Variants in AP5Z1 observed in about 807,000 individuals in gnomAD.
AP5Z1 encodes adaptor related protein complex 5 subunit zeta 1.
A neutral mutation model predicts 83.0 loss-of-function variants in AP5Z1; 106 were observed. That is an observed-to-expected ratio of 1.28 (90% CI 1.09 to 1.50). The LOEUF (loss-of-function observed/expected upper bound fraction) is 1.50, where lower values mean the gene tolerates loss of function less well. Among genes scored for constraint, AP5Z1 ranks in the 40% most tolerant of loss-of-function variants. The pLI is 0.00. For synonymous variants in AP5Z1, 751 were observed against 514.1 expected (o/e 1.46, Z -6.23); for missense variants, 1,565 against 1,094.2 (o/e 1.43, Z -6.07).
chr7:4,786,257 G>C lies in AP5Z1; in HGVS notation c.1140G>C (p.Ala380=). The change falls in exon 10 of 17, where the codon GCG becomes GCC. Residue 380 remains alanine (A), a synonymous_variant. Coordinates refer to ENST00000649063, the MANE Select transcript of AP5Z1 (RefSeq NM_014855.3). ...CGGGCCCTGGTCTTGCAGGGGAAGC[G>C]GCTGCAGTGGACTCGGAAGCCGTCT... ...LAHFFLSHGE[A]AAVDSEAVYQ... 1.9e-6 allele frequency: 3 copies of C among 1,605,006 alleles called. No individual in the cohort carries two copies. The highest frequency in any genetic ancestry group is 1.7e-6 in the Non-Finnish European group (2 of 1,174,336).
At chr7:4,790,049 G>A in intron 14 of AP5Z1, 120 bp downstream of exon 14, 1 of 1,124,670 alleles carries the variant, frequency 8.9e-7, no homozygotes, top group East Asian at 2.7e-5. Context: ...GCCCTCAGCA[G>A]CCTCAGACCC....
chr7:4,784,336 A>C lies in AP5Z1; in HGVS notation c.755A>C (p.His252Pro), dbSNP rs1276640844. 7 of 1,597,478 alleles carry C rather than the reference A, an allele frequency of 4.4e-6. No individual in the cohort carries two copies. The highest frequency in any genetic ancestry group is 6.0e-6 in the Non-Finnish European group (7 of 1,173,594). Residue 252 changes from histidine to proline, a missense_variant, in exon 6 of 17, where the codon CAC becomes CCC. By Grantham distance (77) the His-to-Pro change is moderately conservative. Transcript: ENST00000649063. ...AFSMLRAWLL[H>P]SGPEGPGTLD... ...TCTATGCTGCGGGCGTGGCTGCTGC[A>C]CAGCGGCCCCGAGGGCCCGGGCACC...
chr7:4,787,674 T>TGGC lies in AP5Z1; in HGVS notation c.1354_1356dup (p.Ala452dup). On this transcript the variant is annotated inframe_insertion, in exon 11 of 17. Coordinates refer to ENST00000649063, the MANE Select transcript of AP5Z1 (RefSeq NM_014855.3). ...AGCCCACCCCTCACCTCCGAGTTTG[T>TGGC]GGCGCTCCTCCCGGCCCTGGTGGAC... is the stretch of plus-strand genomic sequence containing the variant. 2 of 1,553,008 alleles carry TGGC rather than the reference T, an allele frequency of 1.3e-6. No homozygotes were observed. Among genetic ancestry groups the TGGC allele is most frequent in the Non-Finnish European group, 1.7e-6 (2 of 1,148,800 alleles).
chr7:4,785,332 G>A (rs1781507505), intron 7 of AP5Z1, 83 bp from the exon 8 acceptor site: 1 of 1,538,234 alleles, frequency 6.5e-7, no homozygotes. Context: ...GTCCTGCCTG[G>A]AGCTTCCAGA....
intron 3 of AP5Z1, 110 bp downstream of exon 3, chr7:4,781,864 G>A (rs1042515654): frequency 2.3e-5 from 29 of 1,256,042 alleles, no homozygotes; most frequent in Non-Finnish European, 2.9e-5. Context: ...TGTTGTAGAC[G>A]CATCTCGGTG....
chr7:4,784,992 G>T lies in AP5Z1; in HGVS notation c.875G>T (p.Arg292Leu). Residue 292 changes from arginine to leucine, a missense_variant, in exon 7 of 17, where the codon CGG (arginine) becomes CTG (leucine). Transcript: ENST00000649063. ...GGCCGCCTGCTGCCGCCCCGGGAGC[G>T]GCTTCGGGAGGTGGCCTTCGAGTAC... ...SAGRLLPPRERLREVAFEYCQ... is the reference protein window; with the variant it reads ...SAGRLLPPRELLREVAFEYCQ... 6.2e-7 allele frequency: 1 copy of T among 1,611,698 alleles called. No individual in the cohort carries two copies. Among genetic ancestry groups the T allele is most frequent in the Non-Finnish European group, 8.5e-7 (1 of 1,179,386 alleles).
At position 4,783,911 on chromosome 7, in the gene AP5Z1, C is replaced by G. The variant is rs904869114; in HGVS notation, c.621+113C>G. The G allele has an allele frequency of 6.0e-6, 7 of 1,168,336 alleles. No individual in the cohort carries two copies. The Admixed American group carries it at 1.2e-4, about 20-fold the overall frequency. 72.4% of individuals were successfully genotyped at this position (1,168,336 alleles called of 1,614,324 possible). ...TGCTGTCGTTCCGCGGGGTCCAGGA[C>G]GAGCCTGCCTCTGCTGCGGGGCTTG... On this transcript the variant is annotated intron_variant, in intron 5 of 16. Transcript: ENST00000649063.
At chr7:4,790,365 C>A in intron 14 of AP5Z1, 94 bp from the exon 15 acceptor site, 1 of 1,585,392 alleles carries the variant, frequency 6.3e-7, no homozygotes, top group Non-Finnish European at 8.6e-7. Context: ...ACCTACCACT[C>A]AGACGCTTCC....
At position 4,791,194 on chromosome 7, in the gene AP5Z1, G is replaced by A. The variant is rs1781759025; in HGVS notation, c.2233G>A (p.Glu745Lys). Reference sequence around the variant, plus strand: ...CTCCACGCACAGCGAGGAGGGCGCGGAAGCCATCCGTACCCGGGCCACAGA... The same window carrying A: ...CTCCACGCACAGCGAGGAGGGCGCGAAAGCCATCCGTACCCGGGCCACAGA... ...TSSTHSEEGA[E>K]AIRTRATELL... Residue 745 changes from glutamate (E) to lysine (K), a missense_variant, in exon 17 of 17, where the codon GAA becomes AAA. By Grantham distance (56) the Glu-to-Lys change is moderately conservative. Transcript: ENST00000649063. 6.2e-7 allele frequency: 1 copy of A among 1,612,524 alleles called. No individual in the cohort carries two copies. The highest frequency in any genetic ancestry group is 1.3e-5 in the African/African-American group (1 of 74,930).
At chr7:4,788,989 C>T in intron 13 of AP5Z1, 38 bp downstream of exon 13, 2 of 1,566,652 alleles carry the variant, frequency 1.3e-6, no homozygotes, top group Non-Finnish European at 1.7e-6. Context: ...TCCCACAGGC[C>T]TCACAACTGA....
chr7:4,777,544 C>T (rs1344834522), intron 1 of AP5Z1, among the ~76,000 whole-genome samples: 1 of 152,088 alleles, frequency 6.6e-6, no homozygotes, highest in East Asian at 1.9e-4. Flanking sequence ...CCCGCCACCA[C>T]ACCCGGCTGA....
chr7:4,777,319 A>G (rs1276339008), intron 1 of AP5Z1, among the ~76,000 whole-genome samples: 1 of 152,076 alleles, frequency 6.6e-6, no homozygotes, highest in African/African-American at 2.4e-5. Flanking sequence ...CAAGGTCATA[A>G]ACTTGTGACA....
In AP5Z1 at chr7:4,784,967, G is replaced by A. The variant is rs764541582; in HGVS notation, c.850G>A (p.Gly284Ser). 1.8e-5 allele frequency: 29 copies of A among 1,612,016 alleles called. No individual in the cohort carries two copies. Among genetic ancestry groups the A allele is most frequent in the Admixed American group, 8.3e-5 (5 of 59,936 alleles). Residue 284 changes from glycine (G) to serine (S), a missense_variant, in exon 7 of 17, where the codon GGC becomes AGC. By Grantham distance (56) the Gly-to-Ser change is moderately conservative. Coordinates refer to ENST00000649063, the MANE Select transcript of AP5Z1 (RefSeq NM_014855.3). ...GGTGATCTCCGCCACCTCCTCTGCC[G>A]GCCGCCTGCTGCCGCCCCGGGAGCG... ...LSVISATSSA[G>S]RLLPPRERLR...
chr7:4,789,091 C>T (rs2115123200), intron 13 of AP5Z1, 140 bp downstream of exon 13: 2 of 712,214 alleles, frequency 2.8e-6, no homozygotes, highest in South Asian at 1.9e-5. Context: ...CTGTGAGGGT[C>T]AGGGAGGCAC....
chr7:4,783,554 TG>T, intron 4 of AP5Z1, 94 bp downstream of exon 4: 1 of 1,320,298 alleles, frequency 7.6e-7, no homozygotes, highest in Non-Finnish European at 1.0e-6. Flanking sequence ...GGGGGGCAGG[TG>T]GGGGACACGG....
At chr7:4,781,825 AG>A (rs2115103469) in intron 3 of AP5Z1, 71 bp downstream of exon 3, 1 of 1,442,480 alleles carries the variant, frequency 6.9e-7, no homozygotes, top group Non-Finnish European at 9.2e-7. Flanking sequence ...GACAGGAAGC[AG>A]GGGCGCCAGA....
intron 3 of AP5Z1, 88 bp from the exon 4 acceptor site, chr7:4,783,228 C>A (rs1781431824): frequency 6.8e-7 from 1 of 1,474,508 alleles, no homozygotes; most frequent in Non-Finnish European, 9.1e-7. Context: ...ACCGACGCTT[C>A]TCAGGAGTGT....
Position 4,791,290 on chromosome 7 carries a change from C to T in AP5Z1, c.2329C>T (p.Pro777Ser). 1.2e-6 allele frequency: 2 copies of T among 1,612,580 alleles called. No individual in the cohort carries two copies. Among genetic ancestry groups the T allele is most frequent in the Non-Finnish European group, 1.7e-6 (2 of 1,179,822 alleles). ...CACACCCAGCACGGAGGTGTGCAGC[C>T]CCCGCTATCACCGCGATGCCAACAC... ...VLTPSTEVCS[P>S]RYHRDANTAL... is the part of the protein sequence containing the mutation. Residue 777 changes from proline to serine, a missense_variant, in exon 17 of 17, where the codon CCC becomes TCC. Pro to Ser is a moderately conservative substitution (Grantham distance 74). Transcript: ENST00000649063.
chr7:4,789,071 T>C lies in AP5Z1; in HGVS notation c.1707+120T>C. Reference sequence around the variant, plus strand: ...AAGGCTGCTCCCGCCACACCCACCATCCACGGTCCCTGTGAGGGTCAGGGA... The same window carrying C: ...AAGGCTGCTCCCGCCACACCCACCACCCACGGTCCCTGTGAGGGTCAGGGA... On this transcript the variant is annotated intron_variant, in intron 13 of 16. Transcript: ENST00000649063. 16 of 853,348 alleles carry C rather than the reference T, an allele frequency of 1.9e-5. No homozygotes were observed. In the South Asian group the frequency reaches 2.7e-4, roughly 14 times the overall value. The allele number at this position is 853,348 out of a possible 1,614,324, so 52.9% of individuals were successfully genotyped here. A position where few individuals can be genotyped will look rare whatever the true frequency, so the allele number is the denominator to read the frequency against.
Sources: allele counts gnomAD v4.1 joint callset (sites outside exome capture counted in the v4.1 genomes callset), GRCh38; gene constraint gnomAD v4.1.1; transcripts MANE v1.5; gene names NCBI Gene and HGNC (gene_info 2026-07-23, HGNC 2026-07-21).